PTCH1: variants seen among roughly 807,000 people sequenced by gnomAD.
The protein encoded by PTCH1 is protein patched homolog 1.
PTCH1 carries 14 observed loss-of-function variants against 144.6 expected under a neutral mutation model. That is an observed-to-expected ratio of 0.10 (90% CI 0.06 to 0.15). The LOEUF is 0.15. PTCH1 is among the 10% of genes least tolerant of loss of function. The pLI is 1.00. For synonymous variants in PTCH1, 833 were observed against 793.6 expected (o/e 1.05, Z -0.83); for missense variants, 1,623 against 1,948.3 (o/e 0.83, Z 3.14).
At chr9:95,465,450 T>C (rs1266431483) in intron 15 of PTCH1, among the ~76,000 whole-genome samples, 1 of 152,212 alleles carries the variant, frequency 6.6e-6, no homozygotes. Flanking sequence ...CTAAACTAAA[T>C]GTGAAAAATA....
chr9:95,473,361 G>A (rs1840742448), intron 12 of PTCH1, among the ~76,000 whole-genome samples: 1 of 152,084 alleles, frequency 6.6e-6, no homozygotes, highest in Non-Finnish European at 1.5e-5. Flanking sequence ...GTAGCATCTT[G>A]CAAATATAAA....
chr9:95,466,462 C>T (rs1048482084), intron 15 of PTCH1, among the ~76,000 whole-genome samples: 13 of 152,048 alleles, frequency 8.5e-5, no homozygotes, highest in African/African-American at 3.1e-4. Flanking sequence ...TGAACCCAAC[C>T]GTAAACTATG....
intron 19 of PTCH1, among the ~76,000 whole-genome samples, chr9:95,454,568 C>T (rs1273090516): frequency 6.6e-6 from 1 of 152,246 alleles, no homozygotes; most frequent in East Asian, 1.9e-4. Flanking sequence ...ATATAGCTGC[C>T]TTCTGCTCTT....
chr9:95,458,434 G>A lies in PTCH1; in HGVS notation c.2888-141C>T, dbSNP rs1839163647. On this transcript the variant is annotated intron_variant, in intron 17 of 23. Transcript: ENST00000331920. The surrounding 1 kb of genome is among the most constrained non-coding windows in gnomAD (Gnocchi z 4.7). ...CAAAGAACAAACAATGCTGATCATA[G>A]CCTCCAGGCCTTTACGATCTTCCCA... 1 of 1,082,724 alleles carries A rather than the reference G, an allele frequency of 9.2e-7. No homozygotes were observed. The highest frequency in any genetic ancestry group is 2.6e-5 in the East Asian group (1 of 38,266). The allele number at this position is 1,082,724 out of a possible 1,614,324, so 67.1% of individuals were successfully genotyped here.
intron 2 of PTCH1, 89 bp downstream of exon 2, chr9:95,506,318 C>CA: frequency 6.9e-7 from 1 of 1,440,012 alleles, no homozygotes; most frequent in Admixed American, 2.2e-5. Flanking sequence ...CGGCCGCAGC[C>CA]AGGCTCTAGG....
intron 15 of PTCH1, among the ~76,000 whole-genome samples, chr9:95,465,279 T>C (rs756978256): frequency 1.1e-4 from 16 of 152,158 alleles, no homozygotes; most frequent in Non-Finnish European, 2.1e-4. Context: ...AAATACACTC[T>C]ACAATAACCC....
chr9:95,446,447 ATT>A (rs1837898342), intron 23 of PTCH1, 56 bp from the exon 24 acceptor site: 1 of 516,652 alleles, frequency 1.9e-6, no homozygotes, highest in Non-Finnish European at 3.9e-6. Context: ...GCAAGTCCGT[ATT>A]TATAAAGTAC....
chr9:95,462,094 G>T (rs1839534722), intron 15 of PTCH1, 96 bp from the exon 16 acceptor site: 8 of 1,386,842 alleles, frequency 5.8e-6, no homozygotes, highest in Non-Finnish European at 7.2e-6. Context: ...AGGGCAGGGG[G>T]CTCTTAGACG....
Position 95,508,246 on chromosome 9 carries a change from A to T in PTCH1, c.116T>A (p.Leu39Gln), listed in dbSNP as rs768063889. ...CCGGTCCGGCGCGGCAGCACGGCGC[A>T]GCCCCCCCGTCCGTCTGCGCCTCCC... ...GGGRRRRTGG[L>Q]RRAAAPDRDY... The change falls in exon 1 of 24, where the codon CTG (leucine) becomes CAG (glutamine). Residue 39 changes from leucine (L) to glutamine (Q), a missense_variant. By Grantham distance (113) the Leu-to-Gln change is moderately radical. Around this residue, in one of 7 missense-constraint regions of PTCH1, gnomAD observed 245 missense variants for 240.6 expected, o/e 1.02. Transcript: ENST00000331920. 6.2e-7 allele frequency: 1 copy of T among 1,605,264 alleles called. No homozygotes were observed. Among genetic ancestry groups the T allele is most frequent in the Admixed American group, 1.7e-5 (1 of 59,698 alleles).
rs1837849363 is a variant in PTCH1 at position 95,445,956 on chromosome 9, A to G, written c.*437T>C. 6.2e-6 allele frequency: 1 copy of G among 160,950 alleles called. No homozygotes were observed. The highest frequency in any genetic ancestry group is 1.4e-5 in the Non-Finnish European group (1 of 72,522). 10.0% of individuals were successfully genotyped at this position (160,950 alleles called of 1,614,324 possible). On this transcript the variant is annotated 3_prime_UTR_variant, in exon 24 of 24. Coordinates refer to ENST00000331920, the MANE Select transcript of PTCH1 (RefSeq NM_000264.5). ...TGATATGCAAATTTAAAATATTTTA[A>G]ACAGAAACCTTTACAAAATAATCCT...
In PTCH1 at chr9:95,458,051, C is replaced by T. The variant is rs138458710; in HGVS notation, c.3130G>A (p.Ala1044Thr). Residue 1044 changes from alanine (A) to threonine (T), a missense_variant, in exon 18 of 24, where the codon GCT becomes ACT. Ala to Thr is a moderately conservative substitution (Grantham distance 58). Transcript: ENST00000331920. The surrounding 1 kb of genome is among the most constrained non-coding windows in gnomAD (Gnocchi z 4.7). Reference sequence around the variant, plus strand: ...GTCCAGGGGTTCAGAAGGAAGACAGCGCACACGAGGAATGTGCAGGCCAAC... The same window carrying T: ...GTCCAGGGGTTCAGAAGGAAGACAGTGCACACGAGGAATGTGCAGGCCAAC... The part of the protein sequence containing the change: ...VVLACTFLVC[A>T]VFLLNPWTAG... 9.9e-6 allele frequency: 16 copies of T among 1,614,022 alleles called. No individual in the cohort carries two copies. Among genetic ancestry groups the T allele is most frequent in the Admixed American group, 1.7e-5 (1 of 59,996 alleles).
At chr9:95,448,228 G>T (rs1023375572) in intron 22 of PTCH1, among the ~76,000 whole-genome samples, 1 of 152,240 alleles carries the variant, frequency 6.6e-6, no homozygotes, top group Non-Finnish European at 1.5e-5. Flanking sequence ...CTCAGCGGGC[G>T]TCGTCGCGGG....
Position 95,476,766 on chromosome 9 carries a change from G to A in PTCH1, c.1595C>T (p.Pro532Leu). Residue 532 changes from proline (P) to leucine (L), a missense_variant, in exon 11 of 24, where the codon CCT becomes CTT. Pro to Leu is a moderately conservative substitution (Grantham distance 98). Transcript: ENST00000331920. This position sits in a 1 kb window ranked among gnomAD's most constrained non-coding sequence, Gnocchi z 4.6. The part of the protein sequence containing the change: ...FSETGQNKRI[P>L]FEDRTGECLK... ...CTTTTGTTTTTGCATTACCTCAAAA[G>A]GGATTCTTTTATTCTGTCCTGTTTC... is the stretch of plus-strand genomic sequence containing the variant. 6.2e-7 allele frequency: 1 copy of A among 1,613,544 alleles called. No homozygotes were observed. Among genetic ancestry groups the A allele is most frequent in the South Asian group, 1.1e-5 (1 of 90,974 alleles).
intron 2 of PTCH1, among the ~76,000 whole-genome samples, chr9:95,502,045 G>C (rs1385300986): frequency 6.6e-6 from 1 of 152,164 alleles, no homozygotes; most frequent in Non-Finnish European, 1.5e-5. Flanking sequence ...GGCCCTGAGG[G>C]ACGAGCCCAG....
intron 15 of PTCH1, among the ~76,000 whole-genome samples, chr9:95,462,810 G>T (rs1030061188): frequency 6.6e-6 from 1 of 152,230 alleles, no homozygotes; most frequent in African/African-American, 2.4e-5. Context: ...GGGGATGGGC[G>T]AGCCCGCCAG....
At chr9:95,477,854 C>T in intron 9 of PTCH1, 152 bp from the exon 10 acceptor site, 1 of 1,449,644 alleles carries the variant, frequency 6.9e-7, no homozygotes, top group Non-Finnish European at 9.4e-7. Flanking sequence ...CATAAAATGA[C>T]AGGAGTCAAA....
At chr9:95,503,345 T>C (rs1382465616) in intron 2 of PTCH1, 2 of 152,230 alleles carry the variant, frequency 1.3e-5, no homozygotes, top group Non-Finnish European at 2.9e-5. Context: ...CAGGGAAATC[T>C]TACTCCTGAA....
intron 15 of PTCH1, among the ~76,000 whole-genome samples, chr9:95,463,918 A>G (rs1000510415): frequency 2.0e-4 from 30 of 152,172 alleles, no homozygotes; most frequent in African/African-American, 7.2e-4. Flanking sequence ...GGCAGGAGTA[A>G]GACAAGCAGG....
Position 95,459,581 on chromosome 9 carries a change from C to A in PTCH1, c.2887+19G>T. 6.2e-7 allele frequency: 1 copy of A among 1,612,722 alleles called. No homozygotes were observed. Among genetic ancestry groups the A allele is most frequent in the Non-Finnish European group, 8.5e-7 (1 of 1,179,922 alleles). On this transcript the variant is annotated intron_variant, in intron 17 of 23. Transcript: ENST00000331920. ...GCACCTCTGTAAGTTCCCAGACCTC[C>A]CGATAAAACGCTACTTACTTCTCAG...
Sources: allele counts gnomAD v4.1 joint callset (sites outside exome capture counted in the v4.1 genomes callset), GRCh38; gene constraint gnomAD v4.1.1; regional missense constraint gnomAD v4.1.1; non-coding constraint Gnocchi (gnomAD v3.1); transcripts MANE v1.5; gene names NCBI Gene and HGNC (gene_info 2026-07-23, HGNC 2026-07-21).